The following GALNT2 variants were observed in gnomAD, a reference collection of about 807,000 sequenced individuals.
The protein encoded by GALNT2 is UDP-GalNAc:polypeptide N-acetylgalactosaminyltransferase 2.
Under a neutral mutation model 81.4 loss-of-function variants are expected in GALNT2, and 31 were observed. The ratio of observed to expected loss-of-function variants is 0.38; its 90% CI spans 0.29 to 0.51. The LOEUF (loss-of-function observed/expected upper bound fraction) is 0.51. Ranked by LOEUF, GALNT2 falls within the 20% of genes least tolerant of loss-of-function variation. GALNT2 has a pLI of 0.87. For synonymous variants in GALNT2, 303 were observed against 287.4 expected (o/e 1.05, Z -0.55); for missense variants, 629 against 765.7 (o/e 0.82, Z 2.11).
intron 1 of GALNT2, among the ~76,000 whole-genome samples, chr1:230,137,717 G>T (rs373500911): frequency 6.6e-6 from 1 of 152,210 alleles, no homozygotes; most frequent in Non-Finnish European, 1.5e-5. Context: ...TCCAGCTCTA[G>T]ATTGCAACCT....
At chr1:230,156,256 T>A (rs1324187889) in intron 1 of GALNT2, among the ~76,000 whole-genome samples, 3 of 151,522 alleles carry the variant, frequency 2.0e-5, no homozygotes, top group Non-Finnish European at 4.4e-5. Flanking sequence ...TGTGTGTGTG[T>A]GTGTGTGTGT....
intron 1 of GALNT2, among the ~76,000 whole-genome samples, chr1:230,170,819 C>T (rs1662766901): frequency 6.6e-6 from 1 of 152,092 alleles, no homozygotes; most frequent in Non-Finnish European, 1.5e-5. Context: ...TCTGTGTGAA[C>T]TCTTTCCTTT....
At chr1:230,235,877 C>A in intron 3 of GALNT2, 137 bp from the exon 4 acceptor site, 1 of 709,740 alleles carries the variant, frequency 1.4e-6, no homozygotes, top group Admixed American at 2.4e-5. Flanking sequence ...CAGAACAGGC[C>A]AGGAACTTCT....
chr1:230,058,212 A>C (rs563625918), intron 1 of GALNT2: 2 of 432,096 alleles, frequency 4.6e-6, no homozygotes, highest in Non-Finnish European at 9.3e-6. Flanking sequence ...TCTCAGGCTC[A>C]CTCAGGGGCA....
intron 1 of GALNT2, 97 bp downstream of exon 1, chr1:230,067,503 G>A: frequency 4.9e-6 from 2 of 404,522 alleles, no homozygotes; most frequent in Non-Finnish European, 7.6e-6. Context: ...GCGCTCCTCC[G>A]CCCGGACCTC....
intron 13 of GALNT2, chr1:230,263,237 A>G (rs1212924775): frequency 3.7e-6 from 2 of 538,172 alleles, no homozygotes; most frequent in Non-Finnish European, 6.6e-6. Flanking sequence ...GGAGTCCCAG[A>G]GGCAGTCCCC....
intron 1 of GALNT2, among the ~76,000 whole-genome samples, chr1:230,148,580 T>C (rs1661996075): frequency 6.6e-6 from 1 of 152,108 alleles, no homozygotes; most frequent in Non-Finnish European, 1.5e-5. Flanking sequence ...TTTGTTTTCT[T>C]TTTTTTTCTT....
At position 230,178,261 on chromosome 1, in the gene GALNT2, A is replaced by G. The variant is rs759784384; in HGVS notation, c.170A>G (p.His57Arg). ...GACCCCATTAAAAAGAAAGACCTTC[A>G]TCACAGCAATGGAGAAGAGAAAGCA... is the stretch of plus-strand genomic sequence containing the variant. ...EIDPIKKKDL[H>R]HSNGEEKAQS... The change falls in exon 2 of 16, where the codon CAT (histidine) becomes CGT (arginine). Residue 57 changes from histidine (H) to arginine (R), a missense_variant. His to Arg is a conservative substitution (Grantham distance 29). Transcript: ENST00000366672. 9.9e-6 allele frequency: 16 copies of G among 1,614,038 alleles called. No homozygotes were observed. In the East Asian group the frequency reaches 3.1e-4, roughly 31 times the overall value.
intron 2 of GALNT2, among the ~76,000 whole-genome samples, chr1:230,202,693 A>G (rs1663928125): frequency 6.6e-6 from 1 of 152,168 alleles, no homozygotes. Flanking sequence ...TTTTGTATAA[A>G]CATTTATTTT....
chr1:230,142,578 T>A (rs1265633520), intron 1 of GALNT2, among the ~76,000 whole-genome samples: 1 of 152,174 alleles, frequency 6.6e-6, no homozygotes, highest in Non-Finnish European at 1.5e-5. Flanking sequence ...TGGGTTAATA[T>A]AATTAAATAT....
At chr1:230,063,821 G>C (rs1659104714), upstream of GALNT2, among the ~76,000 whole-genome samples, 1 of 152,140 alleles carries the variant, frequency 6.6e-6, no homozygotes, top group Non-Finnish European at 1.5e-5. Context: ...CACAGCACCT[G>C]CTTTTTCAGA....
At chr1:230,133,425 C>T (rs1049717445) in intron 1 of GALNT2, among the ~76,000 whole-genome samples, 3 of 151,324 alleles carry the variant, frequency 2.0e-5, no homozygotes, top group Admixed American at 6.6e-5. Context: ...TGGTAGTTGA[C>T]GTTTCTGTTT....
chr1:230,155,915 A>G (rs1303276398), intron 1 of GALNT2, among the ~76,000 whole-genome samples: 1 of 152,108 alleles, frequency 6.6e-6, no homozygotes, highest in Non-Finnish European at 1.5e-5. Context: ...ATTTTGCCAC[A>G]TGGAGAGGGG....
chr1:230,274,205 A>G (rs1406557872), intron 14 of GALNT2, among the ~76,000 whole-genome samples: 1 of 152,226 alleles, frequency 6.6e-6, no homozygotes, highest in African/African-American at 2.4e-5. Context: ...GAGGTCCTCA[A>G]AGCACTTCTG....
intron 2 of GALNT2, among the ~76,000 whole-genome samples, chr1:230,196,109 G>T (rs966072359): frequency 6.6e-5 from 10 of 152,238 alleles, no homozygotes; most frequent in African/African-American, 2.4e-4. Context: ...AATGTGGGGA[G>T]TAAGGTTCAA....
At chr1:230,062,574 T>C (rs1659073027), upstream of GALNT2, among the ~76,000 whole-genome samples, 1 of 152,214 alleles carries the variant, frequency 6.6e-6, no homozygotes, top group Non-Finnish European at 1.5e-5. Context: ...TGATTTTGGT[T>C]ACTGTAGGAA....
intron 1 of GALNT2, among the ~76,000 whole-genome samples, chr1:230,133,077 T>C (rs980915035): frequency 5.3e-5 from 8 of 152,220 alleles, no homozygotes; most frequent in African/African-American, 1.7e-4. Flanking sequence ...TTCCCTGCCT[T>C]GAAAGTTTTA....
intron 1 of GALNT2, among the ~76,000 whole-genome samples, chr1:230,169,365 A>T (rs1662716185): frequency 6.6e-6 from 1 of 152,208 alleles, no homozygotes; most frequent in Non-Finnish European, 1.5e-5. Context: ...AGGCTCAGAG[A>T]AGCAGCCTGA....
intron 3 of GALNT2, among the ~76,000 whole-genome samples, chr1:230,225,378 G>A (rs560744204): frequency 6.6e-6 from 1 of 152,320 alleles, no homozygotes; most frequent in South Asian, 2.1e-4. Context: ...AGTGCCCTGA[G>A]GTTGAGAGAT....
Sources: allele counts gnomAD v4.1 joint callset (sites outside exome capture counted in the v4.1 genomes callset), GRCh38; gene constraint gnomAD v4.1.1; transcripts MANE v1.5; gene names NCBI Gene and HGNC (gene_info 2026-07-23, HGNC 2026-07-21).